CNTNAP5: variants seen among roughly 807,000 people sequenced by gnomAD.
CNTNAP5 encodes contactin associated protein family member 5, also known as contactin-associated protein-like 5.
A neutral mutation model predicts 150.2 loss-of-function variants in CNTNAP5; 72 were observed. That is an observed-to-expected ratio of 0.48 (90% confidence interval 0.40 to 0.58). The LOEUF is 0.58. CNTNAP5 is among the 20% of genes least tolerant of loss of function. The probability of loss-of-function intolerance (pLI) is 0.00; values close to 1 mark genes in which losing one functional copy is unlikely to be tolerated. For synonymous variants in CNTNAP5, 672 were observed against 619.8 expected (o/e 1.08, Z -1.25); for missense variants, 1,636 against 1,626.2 (o/e 1.01, Z -0.10).
intron 1 of CNTNAP5, among the ~76,000 whole-genome samples, chr2:124,215,610 C>T (rs1217665002): frequency 6.7e-6 from 1 of 148,628 alleles, no homozygotes; most frequent in Admixed American, 6.8e-5. Flanking sequence ...TTTTTCTCTT[C>T]TTACCTTTTT....
At chr2:124,438,913 G>T (rs577374161) in intron 5 of CNTNAP5, among the ~76,000 whole-genome samples, 33 of 152,226 alleles carry the variant, frequency 2.2e-4, no homozygotes, top group African/African-American at 7.7e-4. Flanking sequence ...AGAACTGCTG[G>T]TCAGTGATTC....
intron 3 of CNTNAP5, among the ~76,000 whole-genome samples, chr2:124,330,918 A>G (rs1689335421): frequency 6.6e-6 from 1 of 152,204 alleles, no homozygotes; most frequent in Non-Finnish European, 1.5e-5. Context: ...CATAAAAATT[A>G]TAACCTCTCA....
intron 3 of CNTNAP5, among the ~76,000 whole-genome samples, chr2:124,334,656 A>T (rs575612129): frequency 6.6e-6 from 1 of 152,120 alleles, no homozygotes; most frequent in Non-Finnish European, 1.5e-5. Flanking sequence ...CATCCAAATG[A>T]TCTTCTGGTC....
chr2:124,631,586 A>T (rs1677861629), intron 12 of CNTNAP5, among the ~76,000 whole-genome samples: 2 of 152,218 alleles, frequency 1.3e-5, no homozygotes. Flanking sequence ...GATGGATTAA[A>T]GACTTAAGGG....
At chr2:124,242,504 G>T in intron 3 of CNTNAP5, 111 bp downstream of exon 3, 1 of 1,034,448 alleles carries the variant, frequency 9.7e-7, no homozygotes, top group Non-Finnish European at 1.4e-6. Flanking sequence ...AATAACTGGT[G>T]AGTGCCCATT....
intron 11 of CNTNAP5, among the ~76,000 whole-genome samples, chr2:124,577,460 T>C (rs1270485601): frequency 6.6e-6 from 1 of 152,186 alleles, no homozygotes; most frequent in Non-Finnish European, 1.5e-5. Flanking sequence ...TCTCCTATTT[T>C]GGGGTCACCC....
At chr2:124,718,779 T>TA (rs567933570) in intron 13 of CNTNAP5, among the ~76,000 whole-genome samples, 54 of 151,856 alleles carry the variant, frequency 3.6e-4, no homozygotes, top group African/African-American at 1.3e-3. Context: ...CCGTCTCTAC[T>TA]AAAAAAACAC....
intron 3 of CNTNAP5, among the ~76,000 whole-genome samples, chr2:124,270,910 T>C (rs957539428): frequency 6.6e-6 from 1 of 152,156 alleles, no homozygotes; most frequent in Non-Finnish European, 1.5e-5. Context: ...TGCCCCCATG[T>C]TGGGTTCCTA....
chr2:124,690,890 A>G (rs1679287338), intron 13 of CNTNAP5, among the ~76,000 whole-genome samples: 1 of 152,100 alleles, frequency 6.6e-6, no homozygotes, highest in South Asian at 2.1e-4. Flanking sequence ...TCATGTTGCT[A>G]TACGGGCAAA....
intron 19 of CNTNAP5, among the ~76,000 whole-genome samples, chr2:124,819,589 G>A (rs913014766): frequency 6.6e-6 from 1 of 152,194 alleles, no homozygotes; most frequent in Admixed American, 6.5e-5. Context: ...TCAAATAATA[G>A]TTGGTCAGTG....
chr2:124,640,275 C>T (rs1339144033), intron 12 of CNTNAP5, among the ~76,000 whole-genome samples: 1 of 152,114 alleles, frequency 6.6e-6, no homozygotes, highest in Non-Finnish European at 1.5e-5. Flanking sequence ...AAAATTACCC[C>T]CCTGAAAAGA....
rs543311298 is a variant in CNTNAP5 at position 124,896,671 on chromosome 2, TGAG to T, written c.3437-6210_3437-6208del. On this transcript the variant is annotated intron_variant, in intron 21 of 23. Transcript: ENST00000682447. ...CTCCTCCCTCAGCCTCCCAAGTAGCTGAGATTACAGGTGTGCACCACCATGTCC... is the reference window on the plus strand; with the variant it reads ...CTCCTCCCTCAGCCTCCCAAGTAGCTATTACAGGTGTGCACCACCATGTCC... 3.0e-4 allele frequency among the ~76,000 whole-genome samples: 45 copies of T among 151,476 alleles called. 1 individual carries two copies. The South Asian group carries it at 7.5e-3, about 25-fold the overall frequency.
rs1312316017 is a variant in CNTNAP5, at chr2:124,804,321, G to T, written c.3217+6001G>T. ...GGGTTAGACTTGGGTGGTAAGGGTGGGCCTGACTGGAGAAACAGTGGCATG... is the reference window on the plus strand; with the variant it reads ...GGGTTAGACTTGGGTGGTAAGGGTGTGCCTGACTGGAGAAACAGTGGCATG... On this transcript the variant is annotated intron_variant, in intron 19 of 23. Transcript: ENST00000682447. Among the ~76,000 whole-genome samples the T allele has an allele frequency of 2.0e-5, 3 of 152,262 alleles. No homozygotes were observed. In the South Asian group the frequency reaches 6.2e-4, roughly 32 times the overall value.
chr2:124,320,785 T>A (rs572294680), intron 3 of CNTNAP5, among the ~76,000 whole-genome samples: 1 of 152,184 alleles, frequency 6.6e-6, no homozygotes, highest in African/African-American at 2.4e-5. Context: ...TGGGTATTTG[T>A]GTGTTGAGCC....
At chr2:124,385,368 C>A (rs141438055) in intron 3 of CNTNAP5, among the ~76,000 whole-genome samples, 1 of 152,096 alleles carries the variant, frequency 6.6e-6, no homozygotes, top group Non-Finnish European at 1.5e-5. Context: ...TCTCTTTACC[C>A]CACTTCAATC....
chr2:124,601,012 A>G (rs779863690), intron 11 of CNTNAP5, among the ~76,000 whole-genome samples: 3 of 152,218 alleles, frequency 2.0e-5, no homozygotes, highest in Non-Finnish European at 2.9e-5. Context: ...AAATACAGGA[A>G]GAGTAAATCT....
chr2:124,581,160 T>A (rs1298198524), intron 11 of CNTNAP5, among the ~76,000 whole-genome samples: 2 of 152,186 alleles, frequency 1.3e-5, no homozygotes, highest in East Asian at 1.9e-4. Context: ...AGGCTGGAAG[T>A]CACTAACCCT....
intron 7 of CNTNAP5, among the ~76,000 whole-genome samples, chr2:124,488,255 G>T (rs571206836): frequency 6.6e-6 from 1 of 152,012 alleles, no homozygotes; most frequent in African/African-American, 2.4e-5. Context: ...TCCTTTTCTT[G>T]TTATCAGTAT....
intron 12 of CNTNAP5, among the ~76,000 whole-genome samples, chr2:124,645,784 G>A (rs1384810590): frequency 6.6e-6 from 1 of 152,188 alleles, no homozygotes; most frequent in Non-Finnish European, 1.5e-5. Context: ...TCATGGTTTT[G>A]CAGGATGTAC....
Sources: allele counts gnomAD v4.1 joint callset (sites outside exome capture counted in the v4.1 genomes callset), GRCh38; gene constraint gnomAD v4.1.1; transcripts MANE v1.5; gene names NCBI Gene and HGNC (gene_info 2026-07-23, HGNC 2026-07-21).